KLHL13: variants seen among roughly 807,000 people sequenced by gnomAD.
KLHL13 encodes kelch-like protein 13.
A neutral mutation model predicts 37.1 loss-of-function variants in KLHL13; 10 were observed. The ratio of observed to expected loss-of-function variants is 0.27; its 90% CI spans 0.17 to 0.46. KLHL13 has a LOEUF of 0.46. Among genes scored for constraint, KLHL13 ranks in the 20% least tolerant of loss-of-function variants. The pLI is 1.00. For synonymous variants in KLHL13, 163 were observed against 181.2 expected, an observed-to-expected ratio of 0.90 and a Z score of 0.81; for missense variants, 360 against 509.3, an observed-to-expected ratio of 0.71 and a Z score of 2.82.
intron 1 of KLHL13, among the ~76,000 whole-genome samples, chrX:118,093,251 T>C (rs1465077352): frequency 1.8e-5 from 2 of 112,078 alleles, no homozygotes; most frequent in Non-Finnish European, 3.8e-5. Context: ...AAAGTTCCTT[T>C]CATAACCAGA....
At chrX:118,053,229 T>A (rs2054636372) in intron 1 of KLHL13, among the ~76,000 whole-genome samples, 1 of 111,811 alleles carries the variant, frequency 8.9e-6, no homozygotes, top group South Asian at 3.7e-4. Flanking sequence ...AGCAAAGACT[T>A]GGAACCAACC....
intron 1 of KLHL13, among the ~76,000 whole-genome samples, chrX:118,043,855 C>T (rs2054530420): frequency 9.0e-6 from 1 of 111,483 alleles, no homozygotes; most frequent in Non-Finnish European, 1.9e-5. Flanking sequence ...CCCACTTTCA[C>T]CATTGTTATT....
At position 117,917,187 on chromosome X, in the gene KLHL13, G is replaced by A. The variant is rs776831623; in HGVS notation, c.570+2334C>T. 2.7e-5 allele frequency among the ~76,000 whole-genome samples: 3 copies of A among 111,835 alleles called. No individual in the cohort carries two copies. The South Asian group carries it at 1.1e-3, about 42-fold the overall frequency. On this transcript the variant is annotated intron_variant, in intron 4 of 6. Transcript: ENST00000262820. ...TCTCAAAAATTACAATGGATTCTGA[G>A]AGGGAAGAGATTTCTACTCTAAAAC...
chrX:117,908,066 ATTATTTATTTATTTATTTATTTAT>A (rs78358758), intron 5 of KLHL13, among the ~76,000 whole-genome samples: 53 of 99,211 alleles, frequency 5.3e-4, no homozygotes, highest in African/African-American at 1.9e-3. Context: ...CTACAAGGAC[ATTATTTATTTATTTATTTATTTAT>A]TTATTTATTT....
intron 1 of KLHL13, among the ~76,000 whole-genome samples, chrX:118,042,227 G>C (rs2054513478): frequency 9.0e-6 from 1 of 111,544 alleles, no homozygotes; most frequent in African/African-American, 3.3e-5. Flanking sequence ...TAGACCTAAA[G>C]AGAGCAATAG....
intron 2 of KLHL13, among the ~76,000 whole-genome samples, chrX:117,923,614 T>A (rs2147710332): frequency 8.9e-6 from 1 of 112,342 alleles, no homozygotes; most frequent in South Asian, 3.7e-4. Context: ...CAATTGGAAT[T>A]GAATAATGTC....
chrX:117,973,582 G>C, exon 1 of KLHL13: 1 of 873,761 alleles, frequency 1.1e-6, no homozygotes, highest in Non-Finnish European at 1.4e-6. Flanking sequence ...AACTCTGCAG[G>C]TTCTTCTAGT....
intron 2 of KLHL13, among the ~76,000 whole-genome samples, chrX:117,926,977 CTCACTGCAACCTCCGCCTCCCAGGT>C (rs1932083026): frequency 1.1e-5 from 1 of 94,397 alleles, no homozygotes; most frequent in Non-Finnish European, 2.1e-5. Context: ...GCAATCTCGG[CTCACTGCAACCTCCGCCTCCCAGGT>C]TCACGCCCTT....
chrX:117,950,654 C>T (rs755609589), intron 1 of KLHL13, among the ~76,000 whole-genome samples: 13 of 111,907 alleles, frequency 1.2e-4, no homozygotes, highest in African/African-American at 3.9e-4. Context: ...AATGGTTTAA[C>T]AACACAACAA....
chrX:118,094,097 C>T (rs1372478188), intron 1 of KLHL13, among the ~76,000 whole-genome samples: 1 of 108,424 alleles, frequency 9.2e-6, no homozygotes, highest in African/African-American at 3.4e-5. Flanking sequence ...GGAGGAAGTT[C>T]GAACCTCCTC....
chrX:118,104,830 C>A (rs1191274784), intron 1 of KLHL13, among the ~76,000 whole-genome samples: 1 of 111,956 alleles, frequency 8.9e-6, no homozygotes, highest in Non-Finnish European at 1.9e-5. Context: ...GTGACAGTTG[C>A]TCAGCTCTGT....
At chrX:118,010,953 G>A (rs1323420221) in intron 1 of KLHL13, among the ~76,000 whole-genome samples, 11 of 108,736 alleles carry the variant, frequency 1.0e-4, no homozygotes, top group Non-Finnish European at 1.9e-4. Flanking sequence ...CACGCCTGTC[G>A]TCCCAGCTAC....
intron 2 of KLHL13, among the ~76,000 whole-genome samples, chrX:117,925,148 A>G (rs777239921): frequency 8.9e-6 from 1 of 111,803 alleles, no homozygotes; most frequent in East Asian, 2.8e-4. Flanking sequence ...CAAGCTATGA[A>G]TAATTTGTAT....
intron 1 of KLHL13, among the ~76,000 whole-genome samples, chrX:118,084,826 A>C (rs1478127156): frequency 9.0e-6 from 1 of 110,937 alleles, no homozygotes; most frequent in Non-Finnish European, 1.9e-5. Context: ...CAGGAGTTTG[A>C]GACCAGCCTG....
chrX:117,934,833 AT>A (rs1332808172), intron 2 of KLHL13, among the ~76,000 whole-genome samples: 98 of 110,046 alleles, frequency 8.9e-4, no homozygotes, highest in South Asian at 7.0e-3. Context: ...CAAGAATAAG[AT>A]TTTTTTTCTT....
Position 118,089,620 on chromosome X carries a change from GAGAAAGAAAGAAAGAA to G in KLHL13, c.-56+26872_-56+26887del, listed in dbSNP as rs3046168. On this transcript the variant is annotated intron_variant, in intron 1 of 6. Transcript: ENST00000371882. ...AGAGAGAGAGAGAGAGAGAAAGAAA[GAGAAAGAAAGAAAGAA>G]AGAAAGAAAGAAAGAAAGAAAGAAA... Among the ~76,000 whole-genome samples, 60 of 71,914 alleles carry G rather than the reference GAGAAAGAAAGAAAGAA, an allele frequency of 8.3e-4. No homozygotes were observed. In the East Asian group the frequency reaches 9.1e-3, roughly 11 times the overall value. The allele number at this position is 71,914 out of a possible 115,157, so 62.4% of individuals were successfully genotyped here.
Position 118,014,062 on chromosome X carries a change from T to G in KLHL13, c.-55-68487A>C, listed in dbSNP as rs185442525. Among the ~76,000 whole-genome samples the G allele has an allele frequency of 2.5e-3, 277 of 112,037 alleles. 3 individuals carry two copies. Among genetic ancestry groups the G allele is most frequent in the South Asian group, 0.011 (29 of 2,650 alleles). ...ATATGTGTGTTTGAACAATATTAAATCAGTGCACCCTAAGAAAGAACAGAA... is the reference window on the plus strand; with the variant it reads ...ATATGTGTGTTTGAACAATATTAAAGCAGTGCACCCTAAGAAAGAACAGAA... On this transcript the variant is annotated intron_variant, in intron 1 of 6. Coordinates refer to the KLHL13 transcript ENST00000371882.
chrX:117,950,264 C>T (rs1025805403), intron 1 of KLHL13, among the ~76,000 whole-genome samples: 1 of 111,930 alleles, frequency 8.9e-6, no homozygotes. Context: ...ATCAGGAGTT[C>T]GAGACCAGCC....
intron 1 of KLHL13, among the ~76,000 whole-genome samples, chrX:118,030,187 G>C (rs954454263): frequency 3.4e-4 from 38 of 111,083 alleles, no homozygotes; most frequent in African/African-American, 1.0e-3. Flanking sequence ...ATGTTTATTT[G>C]TACAATCATT....
Sources: gnomAD v4.1 joint callset for allele counts (sites outside exome capture counted in the v4.1 genomes callset) on GRCh38, gnomAD v4.1.1 for gene constraint, MANE v1.5 for transcripts, NCBI Gene and HGNC (gene_info 2026-07-23, HGNC 2026-07-21) for gene names.